LILRA4: variants seen among roughly 807,000 people sequenced by gnomAD.
LILRA4 encodes leukocyte immunoglobulin like receptor A4, also known as leukocyte immunoglobulin-like receptor subfamily A member 4.
In LILRA4, 51 loss-of-function variants were observed where a neutral mutation model predicts 49.5. The observed-to-expected ratio is 1.03, with a 90% CI of 0.82 to 1.30. The LOEUF (loss-of-function observed/expected upper bound fraction) is 1.30. Ranked by LOEUF, LILRA4 falls within the 50% of genes most tolerant of loss-of-function variation. The probability of loss-of-function intolerance (pLI) is 0.00; values close to 1 mark genes in which losing one functional copy is unlikely to be tolerated. For missense variants in LILRA4, 624 were observed against 625.6 expected (o/e 1.00, Z 0.03); for synonymous variants, 272 against 265.6 (o/e 1.02, Z -0.23).
intron 6 of LILRA4, chr19:54,334,766 A>T (rs1283325662): frequency 6.6e-6 from 1 of 151,122 alleles, no homozygotes; most frequent in East Asian, 1.9e-4. Context: ...GGAGACTGAG[A>T]CCATCCTGGC....
At chr19:54,338,366 T>C (rs1188720193) in intron 3 of LILRA4, 30 bp downstream of exon 3, 1 of 1,612,858 alleles carries the variant, frequency 6.2e-7, no homozygotes. Flanking sequence ...GGGCAGAGCC[T>C]GGGGCTGGGA....
chr19:54,333,293 G>A lies in LILRA4; in HGVS notation c.*279C>T. 2 of 495,404 alleles carry A rather than the reference G, an allele frequency of 4.0e-6. No homozygotes were observed. The highest frequency in any genetic ancestry group is 7.1e-6 in the Non-Finnish European group (2 of 282,894). 30.7% of individuals were successfully genotyped at this position (495,404 alleles called of 1,614,324 possible). A position where few individuals can be genotyped will look rare whatever the true frequency, so the allele number is the denominator to read the frequency against. ...AATGCAGTAGTTAGAAATAAAGAAA[G>A]GTGTATTACCTGAAAGTGGAGCAGA... is the stretch of plus-strand genomic sequence containing the variant. On this transcript the variant is annotated 3_prime_UTR_variant, in exon 8 of 8. Transcript: ENST00000291759.
rs1438799139 is a variant in LILRA4 at position 54,333,367 on chromosome 19, C to G, written c.*205G>C. 2 of 612,802 alleles carry G rather than the reference C, an allele frequency of 3.3e-6. No homozygotes were observed. The highest frequency in any genetic ancestry group is 5.7e-6 in the Non-Finnish European group (2 of 352,682). 38.0% of individuals were successfully genotyped at this position (612,802 alleles called of 1,614,324 possible). A position where few individuals can be genotyped will look rare whatever the true frequency, so the allele number is the denominator to read the frequency against. ...CCCAAACCCACCATAGGGGTGAAGCCTTACATCATAGGGAAGAAAAACGAA... is the reference window on the plus strand; with the variant it reads ...CCCAAACCCACCATAGGGGTGAAGCGTTACATCATAGGGAAGAAAAACGAA... On this transcript the variant is annotated 3_prime_UTR_variant, in exon 8 of 8. Transcript: ENST00000291759.
At chr19:54,337,825 C>T in intron 4 of LILRA4, 111 bp downstream of exon 4, 1 of 1,436,160 alleles carries the variant, frequency 7.0e-7, no homozygotes, top group African/African-American at 1.4e-5. Flanking sequence ...TCCCCAGGGC[C>T]CCCATCTTCC....
rs571388133 is a variant in LILRA4 at position 54,334,757 on chromosome 19, G to A, written c.1256-792C>T. ...TGAGGCGGGCGGATCACAAGGTCAG[G>A]AGACTGAGACCATCCTGGCTAACAC... On this transcript the variant is annotated intron_variant, in intron 6 of 7. Coordinates refer to ENST00000291759, the MANE Select transcript of LILRA4 (RefSeq NM_012276.5). The A allele has an allele frequency of 3.3e-5, 5 of 151,014 alleles. No homozygotes were observed. The East Asian group carries it at 9.7e-4, about 29-fold the overall frequency. 9.4% of individuals were successfully genotyped at this position (151,014 alleles called of 1,614,324 possible).
rs983487095 is a variant in LILRA4 at position 54,333,626 on chromosome 19, G to C, written c.1446C>G (p.Asn482Lys). 6.2e-7 allele frequency: 1 copy of C among 1,614,024 alleles called. No homozygotes were observed. The highest frequency in any genetic ancestry group is 1.3e-5 in the African/African-American group (1 of 74,902). Residue 482 changes from asparagine (N) to lysine (K), a missense_variant, in exon 8 of 8, where the codon AAC (asparagine) becomes AAG (lysine). Coordinates refer to ENST00000291759, the MANE Select transcript of LILRA4 (RefSeq NM_012276.5). Reference protein sequence around the residue: ...RSPPRCSQEANSRKDNAPFRV... With the variant: ...RSPPRCSQEAKSRKDNAPFRV... ...TGAAGGGTGCATTGTCCTTTCTGCT[G>C]TTTGCCTCCTGGCTGCACCTTGGGG...
chr19:54,338,975 G>A, intron 1 of LILRA4, 74 bp from the exon 2 acceptor site: 2 of 1,612,248 alleles, frequency 1.2e-6, no homozygotes, highest in Non-Finnish European at 1.7e-6. Context: ...TGAGCCCCTG[G>A]GATGCCCTAA....
At position 54,337,471 on chromosome 19, in the gene LILRA4, C is replaced by G. The variant is rs148423363; in HGVS notation, c.881G>C (p.Arg294Thr). The G allele has an allele frequency of 1.3e-5, 21 of 1,612,078 alleles. No homozygotes were observed. Among genetic ancestry groups the G allele is most frequent in the South Asian group, 6.6e-5 (6 of 91,010 alleles). ...GGAGACGTTGTGTGCGCCGTAGCAT[C>G]TGTACTGGCCCCCGTAGGAGCGGCT... is the stretch of plus-strand genomic sequence containing the variant. ...PVSRSYGGQY[R>T]CYGAHNVSSE... The change falls in exon 5 of 8, where the codon AGA becomes ACA. Residue 294 changes from arginine (R) to threonine (T), a missense_variant. Arg to Thr is a moderately conservative substitution (Grantham distance 71). Coordinates refer to ENST00000291759, the MANE Select transcript of LILRA4 (RefSeq NM_012276.5).
At chr19:54,334,221 GA>G in intron 6 of LILRA4, 1 of 495,300 alleles carries the variant, frequency 2.0e-6, no homozygotes, top group Non-Finnish European at 3.6e-6. Context: ...TTAGTAAGAA[GA>G]ATGATCCCCC....
intron 6 of LILRA4, chr19:54,334,166 T>C: frequency 1.8e-6 from 1 of 558,202 alleles, no homozygotes; most frequent in East Asian, 2.9e-5. Context: ...ATCTTGTGCC[T>C]GAGTCACTTT....
At chr19:54,336,570 G>A (rs1029916002) in intron 6 of LILRA4, 3 of 595,404 alleles carry the variant, frequency 5.0e-6, no homozygotes, top group Non-Finnish European at 8.7e-6. Flanking sequence ...CTTCCCCTCG[G>A]TGGGAGGTTC....
Position 54,334,114 on chromosome 19 carries a change from C to T in LILRA4, c.1256-149G>A, listed in dbSNP as rs886487449. On this transcript the variant is annotated intron_variant, in intron 6 of 7. Transcript: ENST00000291759. ...CTGCTCTCACAGGCCTCCCCTGGTACGTCATTGGGTTTTTCAACCTCTCTG... is the reference window on the plus strand; with the variant it reads ...CTGCTCTCACAGGCCTCCCCTGGTATGTCATTGGGTTTTTCAACCTCTCTG... 6.9e-5 allele frequency: 44 copies of T among 640,926 alleles called. No homozygotes were observed. The Admixed American group carries it at 8.7e-4, about 13-fold the overall frequency. 39.7% of individuals were successfully genotyped at this position (640,926 alleles called of 1,614,324 possible).
intron 4 of LILRA4, 83 bp downstream of exon 4, chr19:54,337,853 G>T (rs886904133): frequency 1.3e-6 from 2 of 1,481,542 alleles, no homozygotes; most frequent in Admixed American, 4.4e-5. Flanking sequence ...TTTTCTTCTT[G>T]CGTGGGCTAG....
At position 54,338,093 on chromosome 19, in the gene LILRA4, C is replaced by G; in HGVS notation, c.498G>C (p.Leu166=). ...EEGDHRLSWT[L]NSHQHNHGKF... ...TTCCATGGTTGTGTTGGTGTGAGTT[C>G]AGGGTCCAGGAGAGCCTGTGGTCTC... Residue 166 remains leucine (L), a synonymous_variant, in exon 4 of 8, where the codon CTG becomes CTC. Coordinates refer to ENST00000291759, the MANE Select transcript of LILRA4 (RefSeq NM_012276.5). 6.2e-7 allele frequency: 1 copy of G among 1,613,964 alleles called. No homozygotes were observed. Among genetic ancestry groups the G allele is most frequent in the East Asian group, 2.2e-5 (1 of 44,872 alleles).
At chr19:54,334,984 A>T (rs1178627732) in intron 6 of LILRA4, 3 of 151,556 alleles carry the variant, frequency 2.0e-5, no homozygotes, top group African/African-American at 7.3e-5. Context: ...CAAAAAAAAT[A>T]AAATAAAATA....
rs374179725 is a variant in LILRA4 at position 54,339,044 on chromosome 19, C to A, written c.34+16G>T. 1.2e-5 allele frequency: 20 copies of A among 1,614,012 alleles called. No homozygotes were observed. In the South Asian group the frequency reaches 1.6e-4, roughly 13 times the overall value. On this transcript the variant is annotated intron_variant, in intron 1 of 7. Transcript: ENST00000291759. ...CTCCTAGACTAGGGTCTCTCCTCCC[C>A]CTCTTAAGATCTCACCAAAGAAGAG...
intron 6 of LILRA4, chr19:54,336,605 G>A: frequency 1.6e-6 from 1 of 640,548 alleles, no homozygotes; most frequent in Non-Finnish European, 2.6e-6. Context: ...CCTTCCATGG[G>A]CTGGGCCCTC....
At chr19:54,338,753 C>A in intron 2 of LILRA4, 73 bp from the exon 3 acceptor site, 2 of 1,588,824 alleles carry the variant, frequency 1.3e-6, no homozygotes, top group South Asian at 1.1e-5. Context: ...CCCAGGACCC[C>A]CCTCATCCCC....
At position 54,333,303 on chromosome 19, in the gene LILRA4, C is replaced by A; in HGVS notation, c.*269G>T. On this transcript the variant is annotated 3_prime_UTR_variant, in exon 8 of 8. Transcript: ENST00000291759. ...TTAGAAATAAAGAAAGGTGTATTAC[C>A]TGAAAGTGGAGCAGAGCATGAGGTC... 2 of 521,988 alleles carry A rather than the reference C, an allele frequency of 3.8e-6. No homozygotes were observed. The highest frequency in any genetic ancestry group is 6.7e-6 in the Non-Finnish European group (2 of 298,228). The allele number at this position is 521,988 out of a possible 1,614,324, so 32.3% of individuals were successfully genotyped here. A position where few individuals can be genotyped will look rare whatever the true frequency, so the allele number is the denominator to read the frequency against.
Sources: gnomAD v4.1 joint callset for allele counts on GRCh38, gnomAD v4.1.1 for gene constraint, MANE v1.5 for transcripts, NCBI Gene and HGNC (gene_info 2026-07-23, HGNC 2026-07-21) for gene names.